Variants in CCBE1 observed in about 807,000 individuals in gnomAD.
CCBE1 encodes the protein collagen and calcium binding EGF domains 1.
Under a neutral mutation model 50.0 loss-of-function variants are expected in CCBE1, and 37 were observed. The ratio of observed to expected loss-of-function variants is 0.74; its 90% CI spans 0.57 to 0.97. CCBE1 has a LOEUF of 0.97. Ranked by LOEUF, CCBE1 falls within the 50% of genes least tolerant of loss-of-function variation. CCBE1 has a pLI of 0.00. For synonymous variants in CCBE1, 234 were observed against 203.7 expected (o/e 1.15, Z -1.27); for missense variants, 538 against 523.8 (o/e 1.03, Z -0.26).
chr18:59,470,503 C>T (rs1911979813), intron 3 of CCBE1, among the ~76,000 whole-genome samples: 1 of 152,136 alleles, frequency 6.6e-6, no homozygotes, highest in Non-Finnish European at 1.5e-5. Context: ...TATAAGTGTG[C>T]ATCCTGGGGG....
At chr18:59,539,448 G>A (rs1053807463) in intron 2 of CCBE1, among the ~76,000 whole-genome samples, 5 of 152,146 alleles carry the variant, frequency 3.3e-5, no homozygotes, top group African/African-American at 1.2e-4. Flanking sequence ...ACTTAGAACA[G>A]CTATGGTTCA....
intron 3 of CCBE1, 42 bp from the exon 4 acceptor site, chr18:59,469,649 G>A (rs780861694): frequency 6.2e-7 from 1 of 1,612,766 alleles, no homozygotes; most frequent in African/African-American, 1.3e-5. Flanking sequence ...TACAGGAGGA[G>A]GCGGAGTAAC....
At chr18:59,600,434 T>C (rs1167581094) in intron 2 of CCBE1, among the ~76,000 whole-genome samples, 2 of 152,004 alleles carry the variant, frequency 1.3e-5, no homozygotes, top group Non-Finnish European at 2.9e-5. Flanking sequence ...ATAATAGAAA[T>C]AAACTGTACA....
At chr18:59,653,469 G>C (rs1444038431) in intron 2 of CCBE1, among the ~76,000 whole-genome samples, 1 of 152,156 alleles carries the variant, frequency 6.6e-6, no homozygotes, top group Non-Finnish European at 1.5e-5. Flanking sequence ...ATAGCTTAAA[G>C]GCTATTTGGA....
At chr18:59,685,272 A>G (rs2054640421) in intron 2 of CCBE1, among the ~76,000 whole-genome samples, 1 of 152,178 alleles carries the variant, frequency 6.6e-6, no homozygotes, top group South Asian at 2.1e-4. Flanking sequence ...AGAACTCATG[A>G]GGAGTGTCCT....
At chr18:59,630,189 A>T (rs2144624276) in intron 2 of CCBE1, among the ~76,000 whole-genome samples, 1 of 152,196 alleles carries the variant, frequency 6.6e-6, no homozygotes. Flanking sequence ...GTGCTCTGTT[A>T]GGCTCTGACA....
chr18:59,536,884 C>A (rs994493404), intron 2 of CCBE1, among the ~76,000 whole-genome samples: 2 of 150,746 alleles, frequency 1.3e-5, no homozygotes, highest in Non-Finnish European at 2.9e-5. Flanking sequence ...CCCAGCTACT[C>A]GGGAGGCTGA....
chr18:59,513,107 A>G (rs2144302077), intron 2 of CCBE1, among the ~76,000 whole-genome samples: 1 of 152,330 alleles, frequency 6.6e-6, no homozygotes, highest in Non-Finnish European at 1.5e-5. Flanking sequence ...CAGGAGCTCG[A>G]GACCAGCCCA....
intron 2 of CCBE1, among the ~76,000 whole-genome samples, chr18:59,584,925 C>A (rs1373916164): frequency 1.3e-5 from 2 of 152,134 alleles, no homozygotes; most frequent in African/African-American, 4.8e-5. Context: ...ATCCAGAAGA[C>A]AAGTTTGATT....
At chr18:59,524,981 T>C (rs946907908) in intron 2 of CCBE1, among the ~76,000 whole-genome samples, 2 of 152,158 alleles carry the variant, frequency 1.3e-5, no homozygotes, top group African/African-American at 4.8e-5. Context: ...CCACATTTTC[T>C]TCATCCAGGG....
chr18:59,454,642 T>C (rs1911094304), intron 6 of CCBE1, among the ~76,000 whole-genome samples: 1 of 152,248 alleles, frequency 6.6e-6, no homozygotes, highest in Non-Finnish European at 1.5e-5. Context: ...AATAATTGCC[T>C]CTGCAATCCC....
At chr18:59,696,552 C>T in intron 2 of CCBE1, 77 bp downstream of exon 2, 1 of 1,603,114 alleles carries the variant, frequency 6.2e-7, no homozygotes, top group East Asian at 2.2e-5. Context: ...CGTCTCCAAA[C>T]CCCTCCTTTA....
In CCBE1 at chr18:59,513,746, G is replaced by A. The variant is rs540003102; in HGVS notation, c.213-33508C>T. 1.1e-4 allele frequency among the ~76,000 whole-genome samples: 17 copies of A among 152,322 alleles called. No individual in the cohort carries two copies. The South Asian group carries it at 2.9e-3, about 26-fold the overall frequency. On this transcript the variant is annotated intron_variant, in intron 2 of 10. Transcript: ENST00000439986. ...GGGCCTGGCAATGGTAACATTAGAG[G>A]GCTTATCTCAAGTAGTGCTTTGTAC...
chr18:59,525,521 T>C (rs1364448323), intron 2 of CCBE1, among the ~76,000 whole-genome samples: 2 of 152,230 alleles, frequency 1.3e-5, no homozygotes, highest in African/African-American at 4.8e-5. Flanking sequence ...GATGGACAGA[T>C]TGCAAAAATT....
intron 9 of CCBE1, among the ~76,000 whole-genome samples, chr18:59,438,625 A>AG (rs1910266893): frequency 6.6e-6 from 1 of 152,198 alleles, no homozygotes; most frequent in African/African-American, 2.4e-5. Flanking sequence ...CACAACACAG[A>AG]GGCTCATTTA....
chr18:59,628,665 T>C (rs1198789621), intron 2 of CCBE1, among the ~76,000 whole-genome samples: 1 of 152,120 alleles, frequency 6.6e-6, no homozygotes, highest in Non-Finnish European at 1.5e-5. Flanking sequence ...CCTGAGACAA[T>C]CAAGTAGCCT....
At chr18:59,496,275 G>T (rs962649322) in intron 2 of CCBE1, among the ~76,000 whole-genome samples, 1 of 152,152 alleles carries the variant, frequency 6.6e-6, no homozygotes, top group African/African-American at 2.4e-5. Context: ...CTAGAAGGCA[G>T]GGGTTGAGTC....
chr18:59,696,543 G>A, intron 2 of CCBE1, 86 bp downstream of exon 2: 1 of 1,598,104 alleles, frequency 6.3e-7, no homozygotes, highest in Admixed American at 1.7e-5. Flanking sequence ...TCCCAAGCGC[G>A]TCTCCAAACC....
At position 59,469,579 on chromosome 18, in the gene CCBE1, A is replaced by T; in HGVS notation, c.294T>A (p.Cys98Ter). 3.7e-6 allele frequency: 6 copies of T among 1,614,190 alleles called. No homozygotes were observed. Among genetic ancestry groups the T allele is most frequent in the Non-Finnish European group, 5.1e-6 (6 of 1,180,042 alleles). The change falls in exon 4 of 11, where the codon TGT becomes TGA. Residue 98 changes from cysteine (C) to a stop codon, truncating the protein, a stop_gained. Transcript: ENST00000439986. LOFTEE classifies it high-confidence loss of function. ...CAAAGTTGTCCGTGCACTGCTGTTC[A>T]CAGGGAGCCTCGGCACAAACGTCGT... The part of the protein sequence containing the change: ...EDYDVCAEAP[C>*]EQQCTDNFGR...
Sources: gnomAD v4.1 joint callset for allele counts (sites outside exome capture counted in the v4.1 genomes callset) on GRCh38, gnomAD v4.1.1 for gene constraint, MANE v1.5 for transcripts, NCBI Gene and HGNC (gene_info 2026-07-23, HGNC 2026-07-21) for gene names.